The following GDF5 variants were observed in gnomAD, a reference collection of about 807,000 sequenced individuals.
The protein encoded by GDF5 is growth differentiation factor 5.
A neutral mutation model predicts 34.6 loss-of-function variants in GDF5; 17 were observed. The ratio of observed to expected loss-of-function variants is 0.49; its 90% CI spans 0.34 to 0.74. GDF5 has a LOEUF of 0.74. Among genes scored for constraint, GDF5 ranks in the 30% least tolerant of loss-of-function variants. GDF5 has a pLI of 0.01. For synonymous variants in GDF5, 332 were observed against 290.7 expected, an observed-to-expected ratio of 1.14 and a Z score of -1.44; for missense variants, 616 against 661.2, an observed-to-expected ratio of 0.93 and a Z score of 0.75.
chr20:35,448,629 A>C (rs1039262002), intron 1 of GDF5, among the ~76,000 whole-genome samples: 1 of 151,862 alleles, frequency 6.6e-6, no homozygotes, highest in Non-Finnish European at 1.5e-5. Flanking sequence ...TTTTTAGTAG[A>C]GACAGGGTTT....
intron 1 of GDF5, among the ~76,000 whole-genome samples, chr20:35,443,281 G>A (rs1396587850): frequency 1.3e-5 from 2 of 152,062 alleles, no homozygotes; most frequent in Non-Finnish European, 2.9e-5. Context: ...TAATTACTGG[G>A]ACACAGCGTC....
intron 1 of GDF5, among the ~76,000 whole-genome samples, chr20:35,447,334 A>C (rs2062517172): frequency 6.6e-6 from 1 of 151,962 alleles, no homozygotes. Context: ...TTTCTTTTCT[A>C]GACTCCGCAG....
At position 35,434,636 on chromosome 20, in the gene GDF5, G is replaced by T; in HGVS notation, c.779C>A (p.Ala260Asp). The change falls in exon 2 of 2, where the codon GCT becomes GAT. Residue 260 changes from alanine to aspartate, a missense_variant. Physicochemically the swap from Ala to Asp is moderately radical, Grantham distance 126. Transcript: ENST00000374369. ...AKPAAPGGGR[A>D]AQLKLSSCPS... Reference sequence around the variant, plus strand: ...GCAGCTGGACAGCTTCAGCTGGGCAGCCCGCCCGCCTCCGGGGGCCGCTGG... The same window carrying T: ...GCAGCTGGACAGCTTCAGCTGGGCATCCCGCCCGCCTCCGGGGGCCGCTGG... 1.9e-6 allele frequency: 3 copies of T among 1,607,620 alleles called. No individual in the cohort carries two copies. The highest frequency in any genetic ancestry group is 2.6e-6 in the Non-Finnish European group (3 of 1,175,454).
upstream of GDF5, among the ~76,000 whole-genome samples, chr20:35,440,394 T>TCCC (rs527522338): frequency 8.1e-4 from 123 of 152,054 alleles, no homozygotes; most frequent in African/African-American, 2.8e-3. Flanking sequence ...CTCTCTGGCA[T>TCCC]CCCTCCCTTC....
rs545542357 is a variant in GDF5, at chr20:35,438,075, T to C, written c.-147A>G. 1.1e-6 allele frequency: 1 copy of C among 877,300 alleles called. No individual in the cohort carries two copies. Among genetic ancestry groups the C allele is most frequent in the African/African-American group, 1.7e-5 (1 of 59,642 alleles). The allele number at this position is 877,300 out of a possible 1,614,324, so 54.3% of individuals were successfully genotyped here. On this transcript the variant is annotated 5_prime_UTR_variant, in exon 1 of 2. Transcript: ENST00000374369. ...GCAGAAGGAAAGGCTTTCTCCTCAG[T>C]CTGAGACTCTTGAAGTCTGCCGGGT...
upstream of GDF5, among the ~76,000 whole-genome samples, chr20:35,438,822 T>TGC (rs1568734352): frequency 1.1e-5 from 1 of 92,226 alleles, no homozygotes; most frequent in South Asian, 3.8e-4. Context: ...TGATTTGTTA[T>TGC]GCGTGTGTGT....
intron 1 of GDF5, among the ~76,000 whole-genome samples, chr20:35,453,066 G>A (rs1409246660): frequency 1.3e-5 from 2 of 152,062 alleles, no homozygotes; most frequent in African/African-American, 2.4e-5. Context: ...TGGCTAACAC[G>A]GTGAAACCCC....
chr20:35,437,254 T>C lies in GDF5; in HGVS notation c.631+44A>G, dbSNP rs1278277283. ...TTGAAAGCCCCTCCATTCATGCAGA[T>C]GCCCCTCCCTCTGAGCCGTGCCCCT... On this transcript the variant is annotated intron_variant, in intron 1 of 1. Transcript: ENST00000374369. The C allele has an allele frequency of 2.3e-6, 3 of 1,333,000 alleles. No homozygotes were observed. In the East Asian group the frequency reaches 6.9e-5, roughly 30 times the overall value. 82.6% of individuals were successfully genotyped at this position (1,333,000 alleles called of 1,614,324 possible).
upstream of GDF5, chr20:35,441,282 A>T (rs2062496860): frequency 6.6e-6 from 1 of 152,230 alleles, no homozygotes; most frequent in Non-Finnish European, 1.5e-5. Context: ...GGCCAGGCGC[A>T]GTGGCTCACG....
At chr20:35,435,677 C>T (rs1038204728) in intron 1 of GDF5, among the ~76,000 whole-genome samples, 33 of 151,964 alleles carry the variant, frequency 2.2e-4, no homozygotes, top group Non-Finnish European at 4.3e-4. Flanking sequence ...AAAGCTGGTC[C>T]ACACTGACCT....
At chr20:35,441,758 T>A (rs2062498661), upstream of GDF5, among the ~76,000 whole-genome samples, 1 of 152,010 alleles carries the variant, frequency 6.6e-6, no homozygotes, top group Non-Finnish European at 1.5e-5. Flanking sequence ...CGGCCAATAA[T>A]AGCTATTTTT....
At chr20:35,446,299 A>G (rs2062513894) in intron 1 of GDF5, among the ~76,000 whole-genome samples, 1 of 152,068 alleles carries the variant, frequency 6.6e-6, no homozygotes, top group Admixed American at 6.5e-5. Flanking sequence ...AACAAGAGCG[A>G]AACTCCGTCT....
At chr20:35,444,405 A>G (rs1186406968) in intron 1 of GDF5, among the ~76,000 whole-genome samples, 1 of 152,166 alleles carries the variant, frequency 6.6e-6, no homozygotes, top group Non-Finnish European at 1.5e-5. Context: ...CAAGCATTCC[A>G]GGTGGGGGGA....
chr20:35,442,033 G>C (rs1015340844), upstream of GDF5, among the ~76,000 whole-genome samples: 2 of 152,108 alleles, frequency 1.3e-5, no homozygotes, highest in Non-Finnish European at 2.9e-5. Context: ...TAGAGACAGG[G>C]TCTCACCATG....
At chr20:35,445,014 G>A (rs1277833781) in intron 1 of GDF5, among the ~76,000 whole-genome samples, 3 of 152,180 alleles carry the variant, frequency 2.0e-5, no homozygotes, top group African/African-American at 7.2e-5. Flanking sequence ...GATTACAGGT[G>A]TGAGCCACCG....
upstream of GDF5, among the ~76,000 whole-genome samples, chr20:35,441,971 G>A (rs1320489892): frequency 1.3e-5 from 2 of 151,984 alleles, no homozygotes; most frequent in Non-Finnish European, 2.9e-5. Context: ...CTCCCAAGTA[G>A]CTAGGACTAC....
chr20:35,451,092 T>TATATATATATATACAC (rs1555824851), intron 1 of GDF5, among the ~76,000 whole-genome samples: 3 of 133,520 alleles, frequency 2.2e-5, no homozygotes, highest in Non-Finnish European at 5.0e-5. Context: ...TATATATATA[T>TATATATATATATACAC]ACACAAATAT....
chr20:35,451,053 A>T (rs1281109013), intron 1 of GDF5, among the ~76,000 whole-genome samples: 689 of 6,312 alleles, frequency 0.11, 78 homozygotes, highest in East Asian at 0.51. Flanking sequence ...AAAAAAAAAA[A>T]AAAAAAAAAA....
chr20:35,438,390 A>ACACACACACACT (rs1178306705), upstream of GDF5: 51 of 177,886 alleles, frequency 2.9e-4, 1 homozygote, highest in East Asian at 6.2e-3. Context: ...ACACACACAC[A>ACACACACACACT]CTCACAGGCC....
Sources: allele counts gnomAD v4.1 joint callset (sites outside exome capture counted in the v4.1 genomes callset), GRCh38; gene constraint gnomAD v4.1.1; transcripts MANE v1.5; gene names NCBI Gene and HGNC (gene_info 2026-07-23, HGNC 2026-07-21).